PRKG2: variants seen among roughly 807,000 people sequenced by gnomAD.
PRKG2 encodes the protein protein kinase cGMP-dependent 2.
PRKG2 carries 33 observed loss-of-function variants against 97.2 expected under a neutral mutation model. The ratio of observed to expected loss-of-function variants is 0.34; its 90% CI spans 0.26 to 0.45. PRKG2 has a LOEUF of 0.45. PRKG2 is among the 20% of genes least tolerant of loss of function. The probability of loss-of-function intolerance (pLI) is 1.00; values close to 1 mark genes in which losing one functional copy is unlikely to be tolerated. For missense variants in PRKG2, 638 were observed against 900.0 expected, an observed-to-expected ratio of 0.71 and a Z score of 3.73; for synonymous variants, 330 against 321.8, an observed-to-expected ratio of 1.03 and a Z score of -0.27.
intron 5 of PRKG2, among the ~76,000 whole-genome samples, chr4:81,168,943 A>G (rs1311035519): frequency 6.6e-6 from 1 of 151,974 alleles, no homozygotes; most frequent in Non-Finnish European, 1.5e-5. Flanking sequence ...TTCATTATAG[A>G]ATGTATTGCA....
intron 1 of PRKG2, among the ~76,000 whole-genome samples, chr4:81,213,875 C>A (rs186773756): frequency 6.6e-6 from 1 of 152,136 alleles, no homozygotes; most frequent in Admixed American, 6.5e-5. Flanking sequence ...AGAAAGATCC[C>A]TGGGCATCAT....
chr4:81,123,429 G>C (rs567727356), intron 14 of PRKG2, among the ~76,000 whole-genome samples: 3 of 152,306 alleles, frequency 2.0e-5, no homozygotes, highest in South Asian at 2.1e-4. Context: ...TTTTGAGACA[G>C]AGTCTTGCTC....
chr4:81,210,549 C>T (rs1451343935), intron 1 of PRKG2, among the ~76,000 whole-genome samples: 1 of 152,170 alleles, frequency 6.6e-6, no homozygotes, highest in African/African-American at 2.4e-5. Flanking sequence ...ACACTGACAA[C>T]ACCAAATGCT....
chr4:81,174,676 C>A, intron 3 of PRKG2, 117 bp downstream of exon 3: 1 of 1,038,670 alleles, frequency 9.6e-7, no homozygotes, highest in Non-Finnish European at 1.4e-6. Flanking sequence ...TTTCATGATT[C>A]AATATGTTAT....
At chr4:81,204,494 T>A in intron 2 of PRKG2, 93 bp downstream of exon 2, 8 of 1,345,392 alleles carry the variant, frequency 5.9e-6, no homozygotes, top group Non-Finnish European at 8.2e-6. Context: ...AGGGTCAATA[T>A]GTTCTTTATC....
chr4:81,155,984 T>C (rs1749052155), intron 6 of PRKG2, among the ~76,000 whole-genome samples: 1 of 151,460 alleles, frequency 6.6e-6, no homozygotes. Context: ...CATGCCAAAA[T>C]GTAAAGACCA....
At chr4:81,130,163 A>T (rs536235649) in intron 14 of PRKG2, among the ~76,000 whole-genome samples, 2 of 152,030 alleles carry the variant, frequency 1.3e-5, no homozygotes, top group Admixed American at 1.3e-4. Context: ...GATGTTGGTG[A>T]CCTTCAGATG....
Position 81,106,659 on chromosome 4 carries a change from T to C in PRKG2, c.1941-724A>G, listed in dbSNP as rs547917719. The stretch of plus-strand genomic sequence containing the variant: ...TAGTGAGATATGGCTGGATTCTACA[T>C]CTACTTAGACTGTGCAATAGGCTGA... On this transcript the variant is annotated intron_variant, in intron 15 of 18. Coordinates refer to ENST00000264399, the MANE Select transcript of PRKG2 (RefSeq NM_006259.3). 2.6e-5 allele frequency among the ~76,000 whole-genome samples: 4 copies of C among 152,314 alleles called. No homozygotes were observed. In the East Asian group the frequency reaches 7.7e-4, roughly 29 times the overall value.
chr4:81,152,029 C>A lies in PRKG2; in HGVS notation c.1016G>T (p.Gly339Val), dbSNP rs745358480. The change falls in exon 8 of 19, where the codon GGC becomes GTC. Residue 339 changes from glycine (G) to valine (V), a missense_variant. By Grantham distance (109) the Gly-to-Val change is moderately radical. Coordinates refer to ENST00000264399, the MANE Select transcript of PRKG2 (RefSeq NM_006259.3). ...GKVKVTQSTE[G>V]HDQPQLIKTL... ...TTTTATCAGCTGTGGTTGATCATGG[C>A]CTTCTGTGCTCTGTGTTACTTTTAC... is the stretch of plus-strand genomic sequence containing the variant. 30 of 1,612,682 alleles carry A rather than the reference C, an allele frequency of 1.9e-5. No individual in the cohort carries two copies. The highest frequency in any genetic ancestry group is 2.7e-5 in the African/African-American group (2 of 74,856).
intron 2 of PRKG2, among the ~76,000 whole-genome samples, chr4:81,200,472 A>G (rs1272918637): frequency 6.6e-6 from 1 of 152,154 alleles, no homozygotes; most frequent in African/African-American, 2.4e-5. Flanking sequence ...AGGAAGCACC[A>G]CCACTCTTAC....
At chr4:81,097,526 G>A (rs1314395281) in intron 17 of PRKG2, among the ~76,000 whole-genome samples, 3 of 152,154 alleles carry the variant, frequency 2.0e-5, no homozygotes, top group Non-Finnish European at 2.9e-5. Flanking sequence ...GAGTTAATCT[G>A]TTCTTCGGAG....
intron 11 of PRKG2, among the ~76,000 whole-genome samples, chr4:81,141,330 A>G (rs1747267111): frequency 6.6e-6 from 1 of 152,162 alleles, no homozygotes; most frequent in Non-Finnish European, 1.5e-5. Flanking sequence ...TATCTGTACC[A>G]TCCAATATGG....
chr4:81,212,886 G>A (rs1213352150), intron 1 of PRKG2, among the ~76,000 whole-genome samples: 1 of 152,066 alleles, frequency 6.6e-6, no homozygotes, highest in Non-Finnish European at 1.5e-5. Context: ...AGGGTGAGTA[G>A]GAGGAACACT....
intron 8 of PRKG2, among the ~76,000 whole-genome samples, chr4:81,151,177 C>T (rs916496040): frequency 6.6e-6 from 1 of 152,048 alleles, no homozygotes; most frequent in African/African-American, 2.4e-5. Flanking sequence ...CAAAAGCATA[C>T]AGTTGAAACA....
chr4:81,148,776 G>C, intron 9 of PRKG2, 108 bp downstream of exon 9: 1 of 945,838 alleles, frequency 1.1e-6, no homozygotes, highest in Admixed American at 1.9e-5. Flanking sequence ...AGATCGGCCA[G>C]TATTTCCAAG....
At position 81,110,764 on chromosome 4, in the gene PRKG2, G is replaced by GAGAGAGACAGAC. The variant is rs1553919021; in HGVS notation, c.1777-154_1777-153insGTCTGTCTCTCT. ...ACACACACACAAAGAGAGAGAGAGA[G>GAGAGAGACAGAC]AGACAGACAGACGGACAGACAGACA... is the stretch of plus-strand genomic sequence containing the variant. On this transcript the variant is annotated intron_variant, in intron 14 of 18. Transcript: ENST00000264399. Among the ~76,000 whole-genome samples, 589 of 146,294 alleles carry GAGAGAGACAGAC rather than the reference G, an allele frequency of 4.0e-3. 4 individuals carry two copies. Among genetic ancestry groups the GAGAGAGACAGAC allele is most frequent in the African/African-American group, 0.014 (546 of 38,878 alleles).
At chr4:81,184,832 C>CT (rs1751730114) in intron 2 of PRKG2, among the ~76,000 whole-genome samples, 2 of 151,990 alleles carry the variant, frequency 1.3e-5, no homozygotes, top group African/African-American at 4.8e-5. Context: ...AGCAAGAGAA[C>CT]TTTGAGAAGC....
At chr4:81,130,596 G>A (rs1578392099) in intron 14 of PRKG2, among the ~76,000 whole-genome samples, 1 of 152,070 alleles carries the variant, frequency 6.6e-6, no homozygotes, top group African/African-American at 2.4e-5. Context: ...CCACAGCCAC[G>A]CCTTCCCCCA....
chr4:81,098,162 G>C (rs1742315287), intron 17 of PRKG2, among the ~76,000 whole-genome samples: 1 of 152,088 alleles, frequency 6.6e-6, no homozygotes, highest in Non-Finnish European at 1.5e-5. Flanking sequence ...AGAAAAATGT[G>C]AAAAGAGAGA....
Sources: gnomAD v4.1 joint callset for allele counts (sites outside exome capture counted in the v4.1 genomes callset) on GRCh38, gnomAD v4.1.1 for gene constraint, MANE v1.5 for transcripts, NCBI Gene and HGNC (gene_info 2026-07-23, HGNC 2026-07-21) for gene names.